Variants in EYA4 observed in about 807,000 individuals in gnomAD.
EYA4 encodes the protein EYA transcriptional coactivator and phosphatase 4.
Under a neutral mutation model 87.9 loss-of-function variants are expected in EYA4, and 31 were observed. The observed-to-expected ratio is 0.35, with a 90% CI of 0.27 to 0.48. The LOEUF (loss-of-function observed/expected upper bound fraction) is 0.48, where lower values mean the gene tolerates loss of function less well. Among genes scored for constraint, EYA4 ranks in the 20% least tolerant of loss-of-function variants. EYA4 has a pLI of 0.99. For missense variants in EYA4, 678 were observed against 761.4 expected, an observed-to-expected ratio of 0.89 and a Z score of 1.29; for synonymous variants, 263 against 270.6, an observed-to-expected ratio of 0.97 and a Z score of 0.28.
intron 10 of EYA4, among the ~76,000 whole-genome samples, chr6:133,465,705 T>C (rs1056382770): frequency 6.6e-6 from 1 of 152,304 alleles, no homozygotes; most frequent in Admixed American, 6.5e-5. Flanking sequence ...TTTACTTTAG[T>C]ATAGTTGCTA....
chr6:133,439,049 C>CAAAAAAAACAAAAAAAAAAAAAAAAA (rs1791995649), intron 3 of EYA4, among the ~76,000 whole-genome samples: 3 of 64,024 alleles, frequency 4.7e-5, no homozygotes, highest in Non-Finnish European at 7.9e-5. Context: ...GACTCCGTCT[C>CAAAAAAAACAAAAAAAAAAAAAAAAA]AAAAAAAAAA....
chr6:133,282,353 C>CA (rs1777693843), intron 2 of EYA4, among the ~76,000 whole-genome samples: 1 of 152,118 alleles, frequency 6.6e-6, no homozygotes, highest in Non-Finnish European at 1.5e-5. Context: ...TGATGTTAAG[C>CA]ATTTGTTCAT....
At chr6:133,402,513 G>T (rs372435094) in intron 3 of EYA4, among the ~76,000 whole-genome samples, 4 of 152,220 alleles carry the variant, frequency 2.6e-5, no homozygotes, top group East Asian at 3.9e-4. Context: ...TGAGAATCTA[G>T]CTATATATCT....
intron 13 of EYA4, among the ~76,000 whole-genome samples, chr6:133,498,520 G>A (rs1483786907): frequency 6.6e-6 from 1 of 152,144 alleles, no homozygotes; most frequent in Non-Finnish European, 1.5e-5. Context: ...AAGGAAATTT[G>A]CATTTTATAT....
intron 2 of EYA4, among the ~76,000 whole-genome samples, chr6:133,296,836 T>C (rs1778984236): frequency 6.6e-6 from 1 of 152,184 alleles, no homozygotes; most frequent in African/African-American, 2.4e-5. Flanking sequence ...CCAATCGTCT[T>C]GTTCAAAGCT....
At position 133,250,215 on chromosome 6, in the gene EYA4, G is replaced by A. The variant is rs556793461; in HGVS notation, c.-66+8466G>A. ...TATGTATACGTGAATGTAGAAATGT[G>A]TTTATTTCTTACCACTGGGAAGTCA... On this transcript the variant is annotated intron_variant, in intron 1 of 19. Transcript: ENST00000355286. Among the ~76,000 whole-genome samples the A allele has an allele frequency of 2.6e-5, 4 of 152,300 alleles. No individual in the cohort carries two copies. In the South Asian group the frequency reaches 8.3e-4, roughly 32 times the overall value.
intron 10 of EYA4, among the ~76,000 whole-genome samples, chr6:133,466,921 A>G (rs957435672): frequency 6.6e-6 from 1 of 152,108 alleles, no homozygotes; most frequent in African/African-American, 2.4e-5. Context: ...GTGGGAGGCT[A>G]TGATAGCATT....
chr6:133,465,062 C>T (rs1794732187), intron 10 of EYA4, among the ~76,000 whole-genome samples: 1 of 151,998 alleles, frequency 6.6e-6, no homozygotes, highest in African/African-American at 2.4e-5. Context: ...TTTTTGATTG[C>T]TAAAGGTTTG....
chr6:133,385,422 TGTGTGTGTGTGTGTGTGTGA>T lies in EYA4; in HGVS notation c.83+2983_83+3002del, dbSNP rs1170944271. ...GTGTGTGTGTGTGTGTGTGTGTGTG[TGTGTGTGTGTGTGTGTGTGA>T]GAGAGAGAGAGAGAGATTCAGATTG... On this transcript the variant is annotated intron_variant, in intron 3 of 19. Coordinates refer to ENST00000355286, the MANE Select transcript of EYA4 (RefSeq NM_004100.5). 6.0e-4 allele frequency among the ~76,000 whole-genome samples: 89 copies of T among 147,286 alleles called. 1 individual carries two copies. The highest frequency in any genetic ancestry group is 1.8e-3 in the African/African-American group (70 of 39,208).
intron 3 of EYA4, among the ~76,000 whole-genome samples, chr6:133,414,013 T>C (rs1045066610): frequency 9.9e-5 from 15 of 152,144 alleles, no homozygotes; most frequent in Admixed American, 8.5e-4. Flanking sequence ...ATTTCTAGAA[T>C]CTATTGACTT....
chr6:133,347,081 G>C (rs561521535), intron 2 of EYA4, among the ~76,000 whole-genome samples: 1 of 152,272 alleles, frequency 6.6e-6, no homozygotes, highest in African/African-American at 2.4e-5. Flanking sequence ...TCTGTCATGG[G>C]GAGGGCTTTG....
At position 133,481,581 on chromosome 6, in the gene EYA4, T is replaced by C; in HGVS notation, c.1089T>C (p.Pro363=). The change falls in exon 12 of 20, where the codon CCT becomes CCC. Residue 363 remains proline, a synonymous_variant. Coordinates refer to ENST00000355286, the MANE Select transcript of EYA4 (RefSeq NM_004100.5). ...GRGRKNNPSP[P]PDSDLERVFV... The stretch of plus-strand genomic sequence containing the variant: ...GCCGGAAAAATAATCCCTCCCCGCC[T>C]CCTGATAGTGACCTGGAGGTATGCC... 1 of 1,614,018 alleles carries C rather than the reference T, an allele frequency of 6.2e-7. No individual in the cohort carries two copies. The highest frequency in any genetic ancestry group is 8.5e-7 in the Non-Finnish European group (1 of 1,179,932).
At chr6:133,294,343 G>GT (rs200834915) in intron 2 of EYA4, among the ~76,000 whole-genome samples, 337 of 139,830 alleles carry the variant, frequency 2.4e-3, no homozygotes, top group Non-Finnish European at 3.4e-3. Context: ...TGCTCTTTCT[G>GT]TTTTTTTTTT....
At chr6:133,481,384 T>A in intron 11 of EYA4, 79 bp from the exon 12 acceptor site, 4 of 1,370,228 alleles carry the variant, frequency 2.9e-6, no homozygotes, top group Non-Finnish European at 4.2e-6. Context: ...TAGGAATTTG[T>A]TAAGATAATT....
intron 12 of EYA4, among the ~76,000 whole-genome samples, chr6:133,482,342 T>C (rs1185599752): frequency 3.3e-5 from 5 of 152,194 alleles, no homozygotes; most frequent in African/African-American, 9.7e-5. Context: ...TGACAGATGA[T>C]ATAAATGAGT....
intron 2 of EYA4, among the ~76,000 whole-genome samples, chr6:133,307,268 C>T (rs1408122133): frequency 2.6e-5 from 4 of 152,156 alleles, no homozygotes; most frequent in Non-Finnish European, 5.9e-5. Flanking sequence ...TTTTTTGTGG[C>T]CTCCTAAAGA....
chr6:133,526,716 T>C (rs1800667328), intron 19 of EYA4, among the ~76,000 whole-genome samples: 1 of 152,202 alleles, frequency 6.6e-6, no homozygotes, highest in Non-Finnish European at 1.5e-5. Flanking sequence ...TGCTGACTAC[T>C]ACTTCAAATG....
intron 3 of EYA4, among the ~76,000 whole-genome samples, chr6:133,407,562 T>A (rs1266694538): frequency 6.6e-6 from 1 of 152,068 alleles, no homozygotes; most frequent in Non-Finnish European, 1.5e-5. Context: ...TTTTGAATAA[T>A]CCAGAGACTC....
At chr6:133,446,822 G>A (rs1792890231) in intron 4 of EYA4, 68 bp downstream of exon 4, 9 of 1,386,186 alleles carry the variant, frequency 6.5e-6, no homozygotes, top group Non-Finnish European at 3.1e-6. Flanking sequence ...ACTTCTTAGA[G>A]ATCTGCTAAT....
Sources: gnomAD v4.1 joint callset for allele counts (sites outside exome capture counted in the v4.1 genomes callset) on GRCh38, gnomAD v4.1.1 for gene constraint, MANE v1.5 for transcripts, NCBI Gene and HGNC (gene_info 2026-07-23, HGNC 2026-07-21) for gene names.